Variants in DPP6 observed in about 807,000 individuals in gnomAD.
DPP6 encodes the protein A-type potassium channel modulatory protein DPP6.
DPP6 carries 69 observed loss-of-function variants against 122.6 expected under a neutral mutation model. That is an observed-to-expected ratio of 0.56 (90% CI 0.46 to 0.69). The LOEUF (loss-of-function observed/expected upper bound fraction) is 0.69. Among genes scored for constraint, DPP6 ranks in the 30% least tolerant of loss-of-function variants. The pLI is 0.00. For missense variants in DPP6, 928 were observed against 1,116.9 expected, an observed-to-expected ratio of 0.83 and a Z score of 2.41; for synonymous variants, 418 against 433.1, an observed-to-expected ratio of 0.97 and a Z score of 0.43.
At chr7:154,475,280 G>A in intron 3 of DPP6, 1 of 465,604 alleles carries the variant, frequency 2.1e-6, no homozygotes. Flanking sequence ...AATGAGAAAT[G>A]GGTCTGCTGA....
At chr7:154,013,046 G>A (rs958108249) in intron 1 of DPP6, among the ~76,000 whole-genome samples, 1 of 152,098 alleles carries the variant, frequency 6.6e-6, no homozygotes, top group Non-Finnish European at 1.5e-5. Flanking sequence ...GCTGATTTCT[G>A]TTTCTCCCAC....
At position 153,946,479 on chromosome 7, in the gene DPP6, G is replaced by T. The variant is rs189941081; in HGVS notation, c.51+58745G>T. 3.5e-3 allele frequency among the ~76,000 whole-genome samples: 526 copies of T among 152,190 alleles called. 2 individuals carry two copies. Among genetic ancestry groups the T allele is most frequent in the African/African-American group, 0.011 (463 of 41,528 alleles). On this transcript the variant is annotated intron_variant, in intron 1 of 25. Coordinates refer to the DPP6 transcript ENST00000404039. ...TGCATTATAATTCAAGCAGTGAGGG[G>T]TCACTTTCATTGACATCTTGGTTTC...
At chr7:154,375,578 A>C (rs1813060344) in intron 1 of DPP6, among the ~76,000 whole-genome samples, 1 of 152,120 alleles carries the variant, frequency 6.6e-6, no homozygotes, top group Non-Finnish European at 1.5e-5. Flanking sequence ...TTATAAGAAG[A>C]GGAAGAGACG....
At chr7:154,797,854 G>A (rs1325404823) in intron 12 of DPP6, among the ~76,000 whole-genome samples, 1 of 152,220 alleles carries the variant, frequency 6.6e-6, no homozygotes, top group East Asian at 1.9e-4. Flanking sequence ...CTTAAAGATG[G>A]TACATCCTAG....
intron 1 of DPP6, among the ~76,000 whole-genome samples, chr7:154,075,107 C>T (rs915255518): frequency 1.4e-4 from 22 of 152,066 alleles, no homozygotes; most frequent in Non-Finnish European, 1.8e-4. Context: ...CAATGCAATA[C>T]CACCTTCCTC....
intron 1 of DPP6, among the ~76,000 whole-genome samples, chr7:153,973,518 A>G (rs935738183): frequency 5.3e-5 from 8 of 152,138 alleles, no homozygotes; most frequent in Non-Finnish European, 1.2e-4. Context: ...TATTATGGTA[A>G]GCTAACTCAC....
chr7:154,088,390 G>T (rs539318668), intron 1 of DPP6, among the ~76,000 whole-genome samples: 10 of 146,968 alleles, frequency 6.8e-5, no homozygotes, highest in Admixed American at 1.3e-4. Context: ...TCTGAGAACT[G>T]CTGTATGGTG....
At chr7:153,901,243 C>A (rs1253694087) in intron 1 of DPP6, among the ~76,000 whole-genome samples, 1 of 152,070 alleles carries the variant, frequency 6.6e-6, no homozygotes, top group Admixed American at 6.6e-5. Flanking sequence ...CTGTGTGATC[C>A]AAAATATTCA....
chr7:153,763,568 C>A, the DPP6 span, among the ~76,000 whole-genome samples: 1 of 152,056 alleles, frequency 6.6e-6, no homozygotes, highest in Non-Finnish European at 1.5e-5. Context: ...ATGTTGCTGG[C>A]AGCCAGGAGA....
chr7:154,188,031 C>T (rs557027171), intron 1 of DPP6, among the ~76,000 whole-genome samples: 1 of 152,088 alleles, frequency 6.6e-6, no homozygotes, highest in East Asian at 1.9e-4. Context: ...CCTGAAGATG[C>T]TAATGGCTCT....
intron 1 of DPP6, among the ~76,000 whole-genome samples, chr7:154,409,214 T>G (rs1005124543): frequency 2.6e-5 from 4 of 152,124 alleles, no homozygotes; most frequent in Admixed American, 6.5e-5. Flanking sequence ...AAGAGATAAT[T>G]AAATTAAAAT....
intron 1 of DPP6, among the ~76,000 whole-genome samples, chr7:153,966,820 A>G (rs1254327124): frequency 6.6e-6 from 1 of 151,276 alleles, no homozygotes; most frequent in Admixed American, 6.6e-5. Context: ...TAATCCCAGC[A>G]CTTTGGGAGG....
At chr7:154,759,479 G>A (rs565991171) in intron 8 of DPP6, among the ~76,000 whole-genome samples, 5 of 152,332 alleles carry the variant, frequency 3.3e-5, no homozygotes, top group Admixed American at 6.5e-5. Context: ...GACCACCCAC[G>A]GGCTGGACTC....
intron 1 of DPP6, among the ~76,000 whole-genome samples, chr7:154,154,684 C>T (rs1488597529): frequency 6.6e-5 from 10 of 152,298 alleles, no homozygotes; most frequent in South Asian, 2.1e-4. Flanking sequence ...GTGATGTGAT[C>T]TATGTGATTT....
intron 1 of DPP6, among the ~76,000 whole-genome samples, chr7:154,416,158 G>T (rs1467743375): frequency 6.6e-6 from 1 of 152,118 alleles, no homozygotes; most frequent in Non-Finnish European, 1.5e-5. Flanking sequence ...GCTCCGTCCT[G>T]TTCTGGGACA....
chr7:154,052,885 C>T lies in DPP6; in HGVS notation c.65C>T (p.Pro22Leu), dbSNP rs1330355665. 3.9e-5 allele frequency: 60 copies of T among 1,531,340 alleles called. No homozygotes were observed. In the East Asian group the frequency reaches 1.5e-3, roughly 38 times the overall value. The allele number at this position is 1,531,340 out of a possible 1,614,324, so 94.9% of individuals were successfully genotyped here. ...INTSRSFPAP[P>L]EASHLLGGQG... ...ACCTCGAGGTCCTTCCCCGCGCCCC[C>T]GGAGGCGAGTCACCTCCTGGGCGGC... The change falls in exon 1 of 26, where the codon CCG (proline) becomes CTG (leucine). Residue 22 changes from proline (P) to leucine (L), a missense_variant. By Grantham distance (98) the Pro-to-Leu change is moderately conservative. Transcript: ENST00000377770. The surrounding 1 kb of genome is among the most constrained non-coding windows in gnomAD (Gnocchi z 4.8).
At chr7:153,979,760 G>A (rs905813745) in intron 1 of DPP6, among the ~76,000 whole-genome samples, 4 of 152,198 alleles carry the variant, frequency 2.6e-5, no homozygotes, top group Admixed American at 2.6e-4. Flanking sequence ...ATGAGGGGGT[G>A]TTGAATTTTA....
At position 154,760,594 on chromosome 7, in the gene DPP6, G is replaced by A; in HGVS notation, c.884-8823G>A. ...TTATTAGGATGCTTGCTTATTTCTT[G>A]TCTCTTGAGCAACTGAGTGGGTGGA... On this transcript the variant is annotated intron_variant, in intron 8 of 25. Transcript: ENST00000377770. This position sits in a 1 kb window ranked among gnomAD's most constrained non-coding sequence, Gnocchi z 4.5. Among the ~76,000 whole-genome samples the A allele has an allele frequency of 6.6e-6, 1 of 152,066 alleles. No homozygotes were observed. Among genetic ancestry groups the A allele is most frequent in the East Asian group, 1.9e-4 (1 of 5,178 alleles).
chr7:154,329,001 T>C (rs1808685885), intron 1 of DPP6, among the ~76,000 whole-genome samples: 1 of 152,224 alleles, frequency 6.6e-6, no homozygotes, highest in Non-Finnish European at 1.5e-5. Context: ...AAGTAGGGTT[T>C]TCCATCTTTC....
Sources: allele counts gnomAD v4.1 joint callset (sites outside exome capture counted in the v4.1 genomes callset), GRCh38; gene constraint gnomAD v4.1.1; non-coding constraint Gnocchi (gnomAD v3.1); transcripts MANE v1.5; gene names NCBI Gene and HGNC (gene_info 2026-07-23, HGNC 2026-07-21).